The following FARP1 variants were observed in gnomAD, a reference collection of about 807,000 sequenced individuals.
FARP1 encodes the protein FERM, ARH/RhoGEF and pleckstrin domain protein 1, also known as FERM, ARHGEF and pleckstrin domain-containing protein 1.
A neutral mutation model predicts 128.8 loss-of-function variants in FARP1; 52 were observed. The observed-to-expected ratio is 0.40, with a 90% CI of 0.32 to 0.51. The LOEUF (loss-of-function observed/expected upper bound fraction) is 0.51. Among genes scored for constraint, FARP1 ranks in the 20% least tolerant of loss-of-function variants. The pLI, the probability that FARP1 is intolerant of heterozygous loss-of-function variation, is 0.45. For missense variants in FARP1, 1,333 were observed against 1,367.9 expected, an observed-to-expected ratio of 0.97 and a Z score of 0.40; for synonymous variants, 580 against 551.8, an observed-to-expected ratio of 1.05 and a Z score of -0.72.
intron 3 of FARP1, among the ~76,000 whole-genome samples, chr13:98,347,593 C>A (rs1888234340): frequency 6.6e-6 from 1 of 152,196 alleles, no homozygotes; most frequent in Non-Finnish European, 1.5e-5. Context: ...GGCCAAATAC[C>A]ATTTCCATTG....
rs71111927 is a variant in FARP1, at chr13:98,165,710, G to GTTTTTTT, written c.-24+22245_-24+22251dup. Among the ~76,000 whole-genome samples the GTTTTTTT allele has an allele frequency of 9.8e-4, 73 of 74,136 alleles. 3 individuals carry two copies. The highest frequency in any genetic ancestry group is 1.6e-3 in the Admixed American group (8 of 4,904). 48.6% of individuals were successfully genotyped at this position (74,136 alleles called of 152,430 possible). A position where few individuals can be genotyped will look rare whatever the true frequency, so the allele number is the denominator to read the frequency against. On this transcript the variant is annotated intron_variant, in intron 1 of 26. Transcript: ENST00000319562. ...AAAAAAAAAAACCCTTCCAGAAGGG[G>GTTTTTTT]TTTTTTTTTTTTTTTTTTTTTTTTT...
chr13:98,371,919 G>A (rs1889348528), intron 5 of FARP1, among the ~76,000 whole-genome samples: 2 of 152,044 alleles, frequency 1.3e-5, no homozygotes, highest in South Asian at 4.2e-4. Context: ...GCACTCTTTT[G>A]TTAAACAAGA....
chr13:98,429,617 G>A (rs1891934402), intron 17 of FARP1, among the ~76,000 whole-genome samples: 1 of 152,198 alleles, frequency 6.6e-6, no homozygotes, highest in African/African-American at 2.4e-5. Flanking sequence ...TGAGTACCTG[G>A]CTGGTGGTGG....
intron 1 of FARP1, among the ~76,000 whole-genome samples, chr13:98,204,693 G>C (rs1368642166): frequency 1.3e-5 from 2 of 152,176 alleles, no homozygotes; most frequent in Non-Finnish European, 2.9e-5. Flanking sequence ...GCATGTGGTG[G>C]CTTATGCCTG....
At chr13:98,231,910 C>G (rs1457066970) in intron 2 of FARP1, among the ~76,000 whole-genome samples, 5 of 152,132 alleles carry the variant, frequency 3.3e-5, no homozygotes, top group Non-Finnish European at 7.3e-5. Context: ...TTACTGCAAC[C>G]TCTGCCTCCC....
At chr13:98,372,980 G>A (rs1180231227) in intron 5 of FARP1, among the ~76,000 whole-genome samples, 2 of 152,134 alleles carry the variant, frequency 1.3e-5, no homozygotes, top group Non-Finnish European at 2.9e-5. Flanking sequence ...TTAGCATCGC[G>A]GCCAGCATGC....
intron 6 of FARP1, among the ~76,000 whole-genome samples, chr13:98,383,128 T>C (rs1185956947): frequency 6.6e-6 from 1 of 152,234 alleles, no homozygotes; most frequent in Non-Finnish European, 1.5e-5. Flanking sequence ...ATTCAGTGTT[T>C]ATGGTAACCT....
rs866547347 is a variant in FARP1, at chr13:98,453,037, G to A, written c.*4720G>A. Reference sequence around the variant, plus strand: ...GTGAAGACTGTGTGTGTCCCTGGACGGGCGCCTGGCGCTGGGGTGGCTCCC... The same window carrying A: ...GTGAAGACTGTGTGTGTCCCTGGACAGGCGCCTGGCGCTGGGGTGGCTCCC... On this transcript the variant is annotated 3_prime_UTR_variant, in exon 27 of 27. Coordinates refer to ENST00000319562, the MANE Select transcript of FARP1 (RefSeq NM_005766.4). 54 of 906,618 alleles carry A rather than the reference G, an allele frequency of 6.0e-5. No individual in the cohort carries two copies. The highest frequency in any genetic ancestry group is 3.3e-4 in the Middle Eastern group (1 of 2,992). The allele number at this position is 906,618 out of a possible 1,614,324, so 56.2% of individuals were successfully genotyped here.
chr13:98,214,703 A>G (rs1880957123), intron 2 of FARP1, among the ~76,000 whole-genome samples: 1 of 152,240 alleles, frequency 6.6e-6, no homozygotes, highest in South Asian at 2.1e-4. Flanking sequence ...TGCGCACTGC[A>G]AACAACCTTT....
chr13:98,225,171 C>CA (rs1388528890), intron 2 of FARP1, among the ~76,000 whole-genome samples: 1 of 152,212 alleles, frequency 6.6e-6, no homozygotes, highest in Non-Finnish European at 1.5e-5. Context: ...TTAGCCTGAT[C>CA]ATTTTTGTAA....
chr13:98,399,900 A>G (rs1054337389), intron 13 of FARP1: 4 of 152,238 alleles, frequency 2.6e-5, no homozygotes, highest in Non-Finnish European at 5.9e-5. Flanking sequence ...AAATTCTTTT[A>G]GCATGAAGAA....
chr13:98,181,092 C>T (rs1878474206), intron 1 of FARP1, among the ~76,000 whole-genome samples: 1 of 151,042 alleles, frequency 6.6e-6, no homozygotes. Context: ...TTGTTGCTTT[C>T]TGAAAGAGTT....
intron 1 of FARP1, among the ~76,000 whole-genome samples, chr13:98,153,010 AACCTAGAAT>A (rs1446897150): frequency 1.3e-5 from 2 of 152,070 alleles, no homozygotes; most frequent in Admixed American, 6.6e-5. Flanking sequence ...CATTTCTGTC[AACCTAGAAT>A]ATCATCTATC....
At chr13:98,175,020 T>C (rs1877901172) in intron 1 of FARP1, among the ~76,000 whole-genome samples, 1 of 152,136 alleles carries the variant, frequency 6.6e-6, no homozygotes, top group Non-Finnish European at 1.5e-5. Flanking sequence ...GTGGAAAGTT[T>C]TGCCGAAGTT....
chr13:98,368,929 C>CT (rs58962751), intron 5 of FARP1, among the ~76,000 whole-genome samples: 62,985 of 141,166 alleles, frequency 0.45, 15,398 homozygotes, highest in Non-Finnish European at 0.58. Context: ...TTATATATAC[C>CT]TTTTTTTTTT....
Position 98,343,884 on chromosome 13 carries a change from A to C in FARP1, c.276+18A>C, listed in dbSNP as rs1172196546. The C allele has an allele frequency of 1.3e-6, 2 of 1,505,400 alleles. No individual in the cohort carries two copies. Among genetic ancestry groups the C allele is most frequent in the South Asian group, 2.3e-5 (2 of 88,836 alleles). The allele number at this position is 1,505,400 out of a possible 1,614,324, so 93.3% of individuals were successfully genotyped here. ...AGATCACGGTAGGTGATGTCAACTTAATGTTACTATTTTACTGTCTGTTCA... is the reference window on the plus strand; with the variant it reads ...AGATCACGGTAGGTGATGTCAACTTCATGTTACTATTTTACTGTCTGTTCA... On this transcript the variant is annotated intron_variant, in intron 3 of 26. Transcript: ENST00000319562.
intron 3 of FARP1, 24 bp downstream of exon 3, chr13:98,343,890 ACTATTT>A: frequency 6.9e-7 from 1 of 1,446,112 alleles, no homozygotes. Flanking sequence ...ACTTAATGTT[ACTATTT>A]TACTGTCTGT....
intron 1 of FARP1, among the ~76,000 whole-genome samples, chr13:98,196,282 G>A (rs1306372185): frequency 6.6e-6 from 1 of 152,070 alleles, no homozygotes; most frequent in Non-Finnish European, 1.5e-5. Flanking sequence ...AGGGCCCTTG[G>A]CATGGGAGTT....
At chr13:98,393,558 A>G in intron 11 of FARP1, 85 bp from the exon 12 acceptor site, 1 of 1,088,622 alleles carries the variant, frequency 9.2e-7, no homozygotes, top group Admixed American at 1.9e-5. Flanking sequence ...TACGTCCAAC[A>G]AAAGGACTTT....
Sources: allele counts gnomAD v4.1 joint callset (sites outside exome capture counted in the v4.1 genomes callset), GRCh38; gene constraint gnomAD v4.1.1; transcripts MANE v1.5; gene names NCBI Gene and HGNC (gene_info 2026-07-23, HGNC 2026-07-21).